RBM25: variants seen among roughly 807,000 people sequenced by gnomAD.
The protein encoded by RBM25 is RNA binding motif protein 25.
In RBM25, 19 loss-of-function variants were observed where a neutral mutation model predicts 120.7. That is an observed-to-expected ratio of 0.16 (90% CI 0.11 to 0.23). The LOEUF (loss-of-function observed/expected upper bound fraction) is 0.23, where lower values mean the gene tolerates loss of function less well. RBM25 is among the 10% of genes least tolerant of loss of function. RBM25 has a pLI of 1.00. For synonymous variants in RBM25, 390 were observed against 326.7 expected, an observed-to-expected ratio of 1.19 and a Z score of -2.09; for missense variants, 605 against 1,041.5, an observed-to-expected ratio of 0.58 and a Z score of 5.77.
chr14:73,069,104 A>G (rs61985126), intron 1 of RBM25, among the ~76,000 whole-genome samples: 13,453 of 151,962 alleles, frequency 0.089, 789 homozygotes, highest in Non-Finnish European at 0.14. Flanking sequence ...GGGTTTCACC[A>G]TGTTGGCCAG....
At position 73,077,477 on chromosome 14, in the gene RBM25, G is replaced by C; in HGVS notation, c.265G>C (p.Val89Leu). 1.9e-6 allele frequency: 3 copies of C among 1,613,932 alleles called. No individual in the cohort carries two copies. Among genetic ancestry groups the C allele is most frequent in the Non-Finnish European group, 2.5e-6 (3 of 1,179,926 alleles). ...NDENCGPTTTVFVGNISEKAS... is the reference protein window; with the variant it reads ...NDENCGPTTTLFVGNISEKAS... ...TGAAAATTGTGGTCCTACTACCACT[G>C]TTTTTGTTGGCAACATTTCCGAGAA... Residue 89 changes from valine to leucine, a missense_variant, in exon 4 of 19, where the codon GTT becomes CTT. Val to Leu is a conservative substitution (Grantham distance 32). Transcript: ENST00000261973.
At chr14:73,080,302 C>T (rs1045441123) in intron 4 of RBM25, among the ~76,000 whole-genome samples, 1 of 136,372 alleles carries the variant, frequency 7.3e-6, no homozygotes, top group Non-Finnish European at 1.5e-5. Flanking sequence ...TGGCTCACTG[C>T]AAGCTCCGCC....
At chr14:73,086,435 TAA>T (rs60061334) in intron 5 of RBM25, among the ~76,000 whole-genome samples, 78 of 132,896 alleles carry the variant, frequency 5.9e-4, no homozygotes, top group African/African-American at 1.8e-3. Context: ...AGACTCCGTC[TAA>T]AAAAAAAAAA....
intron 5 of RBM25, among the ~76,000 whole-genome samples, chr14:73,084,182 G>A (rs1246430657): frequency 6.6e-6 from 1 of 152,100 alleles, no homozygotes; most frequent in Non-Finnish European, 1.5e-5. Flanking sequence ...ACAGGCAGGA[G>A]CCACCACACC....
In RBM25 at chr14:73,088,011, C is replaced by T; in HGVS notation, c.393C>T (p.Phe131=). 6.2e-7 allele frequency: 1 copy of T among 1,611,834 alleles called. No individual in the cohort carries two copies. Among genetic ancestry groups the T allele is most frequent in the Non-Finnish European group, 8.5e-7 (1 of 1,179,496 alleles). The change falls in exon 6 of 19, where the codon TTC becomes TTT. Residue 131 remains phenylalanine, a synonymous_variant. Coordinates refer to ENST00000261973, the MANE Select transcript of RBM25 (RefSeq NM_021239.3). The part of the protein sequence containing the change: ...GASGKLQAFG[F]CEYKEPESTL... The stretch of plus-strand genomic sequence containing the variant: ...TTCATCCATTGCTAGCCTTCGGATT[C>T]TGTGAGTACAAGGAGCCAGAATCTA...
At position 73,088,123 on chromosome 14, in the gene RBM25, C is replaced by T. The variant is rs536590316; in HGVS notation, c.505C>T (p.Leu169=). 6.2e-7 allele frequency: 1 copy of T among 1,614,092 alleles called. No homozygotes were observed. Among genetic ancestry groups the T allele is most frequent in the African/African-American group, 1.3e-5 (1 of 75,010 alleles). ...VKVDAKTKAQ[L]DEWKAKKKAS... ...AGTTGATGCAAAGACAAAGGCACAG[C>T]TGGATGAATGGAAAGCAAAGAAGAA... The change falls in exon 6 of 19, where the codon CTG becomes TTG. Residue 169 remains leucine (L), a synonymous_variant. Coordinates refer to ENST00000261973, the MANE Select transcript of RBM25 (RefSeq NM_021239.3).
Position 73,099,332 on chromosome 14 carries a change from G to A in RBM25, c.730-48G>A, listed in dbSNP as rs182854693. The A allele has an allele frequency of 1.7e-3, 2,660 of 1,536,876 alleles. 7 individuals are homozygous for A. The highest frequency in any genetic ancestry group is 5.3e-3 in the Admixed American group (269 of 51,192). The stretch of plus-strand genomic sequence containing the variant: ...GGCATTGCTTTGCAGATTAGTATGA[G>A]CTCTGTTTTTCTTTTTTAAAAAAGA... On this transcript the variant is annotated intron_variant, in intron 7 of 18. Transcript: ENST00000261973.
chr14:73,070,442 TAA>T (rs35955411), intron 1 of RBM25, among the ~76,000 whole-genome samples: 1 of 151,032 alleles, frequency 6.6e-6, no homozygotes. Flanking sequence ...CTTTTAAGTT[TAA>T]AAAAAAAAAC....
chr14:73,068,736 C>T (rs1175942164), intron 1 of RBM25: 3 of 283,138 alleles, frequency 1.1e-5, no homozygotes, highest in African/African-American at 6.6e-5. Context: ...GCCACCCCCT[C>T]TCCTAATTTT....
At chr14:73,068,315 T>G (rs1895191488) in intron 1 of RBM25, 1 of 781,914 alleles carries the variant, frequency 1.3e-6, no homozygotes, top group Admixed American at 1.9e-5. Flanking sequence ...CCAAAGGATT[T>G]CATGGTTGGA....
chr14:73,067,718 C>G (rs569921276), intron 1 of RBM25, among the ~76,000 whole-genome samples: 117 of 151,878 alleles, frequency 7.7e-4, no homozygotes, highest in African/African-American at 2.3e-3. Flanking sequence ...ATTCTCCTGC[C>G]TCAGCCTCCC....
chr14:73,093,664 G>A (rs1374996154), intron 6 of RBM25, among the ~76,000 whole-genome samples: 1 of 151,770 alleles, frequency 6.6e-6, no homozygotes, highest in Non-Finnish European at 1.5e-5. Context: ...CCGCCACCAC[G>A]CCTGGCTAAT....
intron 3 of RBM25, 111 bp downstream of exon 3, chr14:73,076,479 C>T (rs1895426009): frequency 1.1e-6 from 1 of 930,208 alleles, no homozygotes; most frequent in Admixed American, 2.2e-5. Context: ...ATAACAAGGA[C>T]AGAATGACAG....
intron 5 of RBM25, among the ~76,000 whole-genome samples, chr14:73,085,546 G>A (rs1467090478): frequency 6.6e-6 from 1 of 150,620 alleles, no homozygotes; most frequent in Non-Finnish European, 1.5e-5. Context: ...CTGGGTTCAA[G>A]TGGTTCTCTT....
intron 6 of RBM25, among the ~76,000 whole-genome samples, chr14:73,096,184 C>T (rs1221552926): frequency 2.0e-5 from 3 of 152,112 alleles, no homozygotes; most frequent in South Asian, 4.2e-4. Context: ...ACCATGTTGG[C>T]CAGGCTGGTC....
intron 5 of RBM25, among the ~76,000 whole-genome samples, chr14:73,083,978 A>T (rs987780353): frequency 2.6e-5 from 4 of 151,564 alleles, no homozygotes; most frequent in Non-Finnish European, 4.4e-5. Flanking sequence ...GCTCACTGCA[A>T]CCTCTGCCTC....
Position 73,111,175 on chromosome 14 carries a change from CTTCT to C in RBM25, c.2017+23_2017+26del. 2 of 1,565,082 alleles carry C rather than the reference CTTCT, an allele frequency of 1.3e-6. No homozygotes were observed. The highest frequency in any genetic ancestry group is 1.8e-6 in the Non-Finnish European group (2 of 1,139,550). On this transcript the variant is annotated intron_variant, in intron 15 of 18. Transcript: ENST00000261973. Reference sequence around the variant, plus strand: ...AACTGGGTACGTTAGCATTTCCTTCCTTCTTTATTTTCTTCCCTTCACCCCTGCA... The same window carrying C: ...AACTGGGTACGTTAGCATTTCCTTCCTTATTTTCTTCCCTTCACCCCTGCA...
chr14:73,070,166 G>T (rs1895248557), intron 1 of RBM25, among the ~76,000 whole-genome samples: 1 of 151,334 alleles, frequency 6.6e-6, no homozygotes, highest in Non-Finnish European at 1.5e-5. Flanking sequence ...TCCTGCCTCA[G>T]CCTCCCGAGT....
rs766461418 is a variant in RBM25 at position 73,080,213 on chromosome 14, CTTTTTTTTTT to C, written c.324+2696_324+2705del. Reference sequence around the variant, plus strand: ...TGTCCGAGTTTCTATTCTTACACATCTTTTTTTTTTTTTTTTTTTTTTTTTTTTGAGATGG... The same window carrying C: ...TGTCCGAGTTTCTATTCTTACACATCTTTTTTTTTTTTTTTTTTGAGATGG... On this transcript the variant is annotated intron_variant, in intron 4 of 18. Coordinates refer to ENST00000261973, the MANE Select transcript of RBM25 (RefSeq NM_021239.3). Among the ~76,000 whole-genome samples the C allele has an allele frequency of 8.8e-4, 59 of 67,196 alleles. 2 individuals carry two copies. The highest frequency in any genetic ancestry group is 1.6e-3 in the South Asian group (3 of 1,870). 44.1% of individuals were successfully genotyped at this position (67,196 alleles called of 152,430 possible).
Sources: allele counts gnomAD v4.1 joint callset (sites outside exome capture counted in the v4.1 genomes callset), GRCh38; gene constraint gnomAD v4.1.1; transcripts MANE v1.5; gene names NCBI Gene and HGNC (gene_info 2026-07-23, HGNC 2026-07-21).